SH3D19: variants seen among roughly 807,000 people sequenced by gnomAD.
SH3D19 encodes SH3 domain containing 19, also known as SH3 domain-containing protein 19.
A neutral mutation model predicts 112.1 loss-of-function variants in SH3D19; 58 were observed. That is an observed-to-expected ratio of 0.52 (90% CI 0.42 to 0.64). The LOEUF (loss-of-function observed/expected upper bound fraction) is 0.64. Ranked by LOEUF, SH3D19 falls within the 30% of genes least tolerant of loss-of-function variation. The pLI is 0.00. For missense variants in SH3D19, 1,090 were observed against 1,263.4 expected (o/e 0.86, Z 2.08); for synonymous variants, 391 against 448.5 (o/e 0.87, Z 1.62).
rs186536919 is a variant in SH3D19 at position 151,305,354 on chromosome 4, C to T, written c.112+19887G>A. Among the ~76,000 whole-genome samples, 283 of 152,274 alleles carry T rather than the reference C, an allele frequency of 1.9e-3. 5 individuals are homozygous for T. Among genetic ancestry groups the T allele is most frequent in the South Asian group, 5.4e-3 (26 of 4,824 alleles). On this transcript the variant is annotated intron_variant, in intron 1 of 19. Coordinates refer to ENST00000604030, the MANE Select transcript of SH3D19 (RefSeq NM_001378122.1). ...CTTCTGTATTATTGTTTGGGGAGCT[C>T]TTTATGTATTCTACATTCAAATCTT... is the stretch of plus-strand genomic sequence containing the variant.
At chr4:151,318,079 C>T (rs1237793677) in intron 1 of SH3D19, among the ~76,000 whole-genome samples, 1 of 150,694 alleles carries the variant, frequency 6.6e-6, no homozygotes, top group African/African-American at 2.4e-5. Context: ...GGGCAGGTCA[C>T]GAGGTCAGGA....
chr4:151,279,608 C>A (rs1200159964), intron 1 of SH3D19, among the ~76,000 whole-genome samples: 1 of 152,166 alleles, frequency 6.6e-6, no homozygotes, highest in Non-Finnish European at 1.5e-5. Context: ...GAAAGAGCTA[C>A]AATCAGGGGA....
intron 7 of SH3D19, chr4:151,166,006 G>A: frequency 4.3e-6 from 1 of 230,510 alleles, no homozygotes; most frequent in East Asian, 1.1e-4. Flanking sequence ...GAAAATGAGG[G>A]GCAACTGAGA....
intron 9 of SH3D19, among the ~76,000 whole-genome samples, chr4:151,156,030 GA>G (rs1179394705): frequency 3.3e-5 from 5 of 151,928 alleles, no homozygotes; most frequent in Non-Finnish European, 7.4e-5. Flanking sequence ...ACATGACAAA[GA>G]ACTAGCTAAA....
chr4:151,263,427 C>A (rs761518209), intron 1 of SH3D19, among the ~76,000 whole-genome samples: 1 of 152,202 alleles, frequency 6.6e-6, no homozygotes, highest in Non-Finnish European at 1.5e-5. Context: ...TCAGATAAAA[C>A]GGGCCAGGCC....
At chr4:151,252,456 T>C (rs1238110279) in intron 1 of SH3D19, among the ~76,000 whole-genome samples, 1 of 152,196 alleles carries the variant, frequency 6.6e-6, no homozygotes, top group Non-Finnish European at 1.5e-5. Context: ...GATACTACTC[T>C]CAGTTCTCAG....
At chr4:151,322,424 C>A in intron 1 of SH3D19, among the ~76,000 whole-genome samples, 1 of 123,422 alleles carries the variant, frequency 8.1e-6, no homozygotes, top group African/African-American at 3.4e-5. Context: ...CAGAGCAAGA[C>A]TCTGCCTAAA....
chr4:151,137,879 T>C lies in SH3D19; in HGVS notation c.2297-17A>G, dbSNP rs372701460. The C allele has an allele frequency of 3.8e-6, 6 of 1,576,744 alleles. No homozygotes were observed. The highest frequency in any genetic ancestry group is 5.1e-6 in the Non-Finnish European group (6 of 1,166,294). On this transcript the variant is annotated splice_polypyrimidine_tract_variant and intron_variant, in intron 13 of 19. Coordinates refer to ENST00000604030, the MANE Select transcript of SH3D19 (RefSeq NM_001378122.1). ...CAACTTGCTCTGTAATATAAAATTA[T>C]AGTTATGTATGATGAATCATCCTGG...
intron 1 of SH3D19, among the ~76,000 whole-genome samples, chr4:151,290,810 C>T (rs956583885): frequency 6.6e-6 from 1 of 152,134 alleles, no homozygotes; most frequent in South Asian, 2.1e-4. Context: ...GAAATTAAGG[C>T]AGTTCATTCA....
chr4:151,309,803 A>C (rs1403098997), intron 1 of SH3D19, among the ~76,000 whole-genome samples: 1 of 152,034 alleles, frequency 6.6e-6, no homozygotes, highest in Non-Finnish European at 1.5e-5. Context: ...CAGCCTGGGC[A>C]ACACATTGAG....
chr4:151,190,992 A>G (rs1334055364), intron 2 of SH3D19, among the ~76,000 whole-genome samples: 1 of 152,224 alleles, frequency 6.6e-6, no homozygotes, highest in Non-Finnish European at 1.5e-5. Context: ...GGAGCTGCCC[A>G]AGACCATGGG....
intron 2 of SH3D19, among the ~76,000 whole-genome samples, chr4:151,201,682 T>C (rs979585653): frequency 6.6e-5 from 10 of 151,992 alleles, no homozygotes; most frequent in Non-Finnish European, 1.2e-4. Context: ...GAAATACAAC[T>C]AAAGGAGAGG....
intron 2 of SH3D19, among the ~76,000 whole-genome samples, chr4:151,201,621 T>C (rs77657350): frequency 0.058 from 8,822 of 152,188 alleles, 399 homozygotes; most frequent in East Asian, 0.19. Context: ...TCTGGAGTCT[T>C]TAAAAAATAG....
rs1388627507 is a variant in SH3D19, at chr4:151,147,921, C to T, written c.2082+1G>A. 1.3e-6 allele frequency: 2 copies of T among 1,591,564 alleles called. No individual in the cohort carries two copies. The highest frequency in any genetic ancestry group is 2.7e-5 in the African/African-American group (2 of 73,462). ...CAAACATTTTTAAAAGCTAAATTTA[C>T]CATGTATTTACTGTAGAGAGGGTGT... On this transcript the variant is annotated splice_donor_variant, in intron 11 of 19. Transcript: ENST00000604030. LOFTEE classifies it high-confidence loss of function.
intron 1 of SH3D19, among the ~76,000 whole-genome samples, chr4:151,267,810 G>A (rs1772926686): frequency 6.6e-6 from 1 of 152,112 alleles, no homozygotes; most frequent in African/African-American, 2.4e-5. Flanking sequence ...AAGGGGGACT[G>A]GTTTTAAAGG....
At chr4:151,174,237 A>T (rs1759544438) in intron 7 of SH3D19, among the ~76,000 whole-genome samples, 1 of 152,104 alleles carries the variant, frequency 6.6e-6, no homozygotes, top group African/African-American at 2.4e-5. Context: ...ATGACTTCCC[A>T]TCTAAGAGAA....
rs529834014 is a variant in SH3D19, at chr4:151,214,153, A to T, written c.152+11894T>A. On this transcript the variant is annotated intron_variant, in intron 2 of 19. Coordinates refer to ENST00000604030, the MANE Select transcript of SH3D19 (RefSeq NM_001378122.1). The stretch of plus-strand genomic sequence containing the variant: ...AATCCATTTAACCCTGAGTGGACAC[A>T]GCACATGTTTCAGAGAGCACAGGGC... 3.9e-5 allele frequency among the ~76,000 whole-genome samples: 6 copies of T among 152,014 alleles called. 1 individual carries two copies. In the South Asian group the frequency reaches 1.3e-3, roughly 32 times the overall value.
At chr4:151,318,176 C>T (rs895501262) in intron 1 of SH3D19, among the ~76,000 whole-genome samples, 1 of 149,474 alleles carries the variant, frequency 6.7e-6, no homozygotes, top group Non-Finnish European at 1.5e-5. Context: ...TGGCACGTGC[C>T]TGTAGTCCTA....
intron 2 of SH3D19, among the ~76,000 whole-genome samples, chr4:151,224,492 G>C (rs1768666687): frequency 6.6e-6 from 1 of 152,096 alleles, no homozygotes; most frequent in African/African-American, 2.4e-5. Context: ...ATATTGCTAA[G>C]TCACATCTCC....
Sources: allele counts gnomAD v4.1 joint callset (sites outside exome capture counted in the v4.1 genomes callset), GRCh38; gene constraint gnomAD v4.1.1; transcripts MANE v1.5; gene names NCBI Gene and HGNC (gene_info 2026-07-23, HGNC 2026-07-21).